SKIC3: variants seen among roughly 807,000 people sequenced by gnomAD.
SKIC3 encodes superkiller complex protein 3.
chr5:95,521,932 A>G, the SKIC3 span: 4 of 1,230,926 alleles, frequency 3.2e-6, no homozygotes, highest in Non-Finnish European at 4.6e-6. Context: ...GTTCATATGG[A>G]TGCTTGCTGT....
chr5:95,541,804 A>G, the SKIC3 span: 2 of 1,585,910 alleles, frequency 1.3e-6, no homozygotes, highest in East Asian at 2.2e-5. Flanking sequence ...CTTTCCTCAT[A>G]CATTTCTTAC....
At chr5:95,536,855 T>C in the SKIC3 span, 1 of 1,613,692 alleles carries the variant, frequency 6.2e-7, no homozygotes, top group Non-Finnish European at 8.5e-7. Context: ...TTCTAATGGA[T>C]ACTGTACAGT....
At chr5:95,474,394 C>T in the SKIC3 span, among the ~76,000 whole-genome samples, 2 of 151,836 alleles carry the variant, frequency 1.3e-5, no homozygotes, top group Non-Finnish European at 2.9e-5. Context: ...TGCTTCAAAA[C>T]AAGAAAATAA....
the SKIC3 span, among the ~76,000 whole-genome samples, chr5:95,535,394 T>C: frequency 7.5e-6 from 1 of 133,932 alleles, no homozygotes; most frequent in East Asian, 2.3e-4. Context: ...CACTGCAACC[T>C]CCGCCTCCCG....
At chr5:95,517,460 A>G in the SKIC3 span, 3 of 955,224 alleles carry the variant, frequency 3.1e-6, no homozygotes, top group African/African-American at 5.0e-5. Context: ...ATATCATATC[A>G]CCTCCCTAAT....
the SKIC3 span, among the ~76,000 whole-genome samples, chr5:95,505,204 T>C: frequency 6.6e-6 from 1 of 152,236 alleles, no homozygotes; most frequent in Admixed American, 6.5e-5. Flanking sequence ...TCTGTTTTTA[T>C]TTTTAATGTG....
At chr5:95,494,479 TATATTGTATTAAACA>T in the SKIC3 span, among the ~76,000 whole-genome samples, 1 of 152,186 alleles carries the variant, frequency 6.6e-6, no homozygotes, top group Non-Finnish European at 1.5e-5. Flanking sequence ...GATAGCATTA[TATATTGTATTAAACA>T]CTTACATAGT....
chr5:95,475,023 C>T, the SKIC3 span, among the ~76,000 whole-genome samples: 4 of 152,112 alleles, frequency 2.6e-5, no homozygotes, highest in African/African-American at 7.2e-5. Context: ...TACCGGATTC[C>T]TTGGATTGGG....
chr5:95,513,454 A>C, the SKIC3 span: 5 of 1,131,696 alleles, frequency 4.4e-6, no homozygotes, highest in Non-Finnish European at 6.5e-6. Context: ...TGGCATCCCA[A>C]ATCACTGGGA....
At chr5:95,529,253 A>C in the SKIC3 span, 4 of 727,902 alleles carry the variant, frequency 5.5e-6, no homozygotes, top group Admixed American at 4.1e-5. Flanking sequence ...GCCTCAATTC[A>C]TTCCCCACCA....
the SKIC3 span, among the ~76,000 whole-genome samples, chr5:95,483,850 T>C: frequency 6.6e-6 from 1 of 152,172 alleles, no homozygotes; most frequent in African/African-American, 2.4e-5. Context: ...CCTCCAATCC[T>C]GGCATGTAAA....
chr5:95,504,202 G>A, the SKIC3 span, among the ~76,000 whole-genome samples: 38 of 152,142 alleles, frequency 2.5e-4, no homozygotes, highest in African/African-American at 9.2e-4. Flanking sequence ...CGGACGTGGT[G>A]GCACATGCCA....
At chr5:95,543,262 T>C in the SKIC3 span, 23 of 1,614,008 alleles carry the variant, frequency 1.4e-5, no homozygotes, top group African/African-American at 2.5e-4. Context: ...GTTGTTCTAG[T>C]TCAGCTGCAG....
chr5:95,550,408 A>G, the SKIC3 span, among the ~76,000 whole-genome samples: 1 of 151,908 alleles, frequency 6.6e-6, no homozygotes, highest in African/African-American at 2.4e-5. Context: ...GAAAGGAAAA[A>G]AAACGATATC....
At chr5:95,542,353 T>C in the SKIC3 span, among the ~76,000 whole-genome samples, 1 of 152,312 alleles carries the variant, frequency 6.6e-6, no homozygotes, top group Non-Finnish European at 1.5e-5. Context: ...GATATATGTA[T>C]TCACTGTGAA....
the SKIC3 span, chr5:95,515,140 G>A: frequency 2.1e-6 from 1 of 487,208 alleles, no homozygotes; most frequent in Non-Finnish European, 3.8e-6. Context: ...CCCAGGTTAG[G>A]AGTTCTGAAC....
chr5:95,479,196 A>AAC, the SKIC3 span, among the ~76,000 whole-genome samples: 2 of 152,230 alleles, frequency 1.3e-5, no homozygotes, highest in Admixed American at 1.3e-4. Flanking sequence ...AAATGATTTA[A>AAC]ACACACACAC....
At chr5:95,529,140 T>C in the SKIC3 span, 1 of 1,571,620 alleles carries the variant, frequency 6.4e-7, no homozygotes. Context: ...ACAAGGTTTC[T>C]GTGACTACAT....
the SKIC3 span, among the ~76,000 whole-genome samples, chr5:95,489,763 G>A: frequency 5.9e-5 from 9 of 152,060 alleles, no homozygotes; most frequent in African/African-American, 2.2e-4. Context: ...AAAGAAAAGA[G>A]ATTGTCAATG....
Sources: gnomAD v4.1 joint callset for allele counts (sites outside exome capture counted in the v4.1 genomes callset) on GRCh38, gnomAD v4.1.1 for gene constraint, MANE v1.5 for transcripts, NCBI Gene and HGNC (gene_info 2026-07-23, HGNC 2026-07-21) for gene names.